KCNMA1: variants seen among roughly 807,000 people sequenced by gnomAD.
KCNMA1 encodes the protein potassium calcium-activated channel subfamily M alpha 1, also known as Calcium-activated potassium channel subunit alpha-1.
In KCNMA1, 29 loss-of-function variants were observed where a neutral mutation model predicts 140.0. The observed-to-expected ratio is 0.21, with a 90% CI of 0.15 to 0.28. KCNMA1 has a LOEUF of 0.28. Ranked by LOEUF, KCNMA1 falls within the 10% of genes least tolerant of loss-of-function variation. The pLI is 1.00. For missense variants in KCNMA1, 880 were observed against 1,602.2 expected (o/e 0.55, Z 7.70); for synonymous variants, 612 against 611.9 (o/e 1.00, Z 0.00).
chr10:77,636,535 G>A (rs1391058771), intron 1 of KCNMA1: 8 of 1,536,078 alleles, frequency 5.2e-6, no homozygotes, highest in South Asian at 4.8e-5. Flanking sequence ...AAGGAACAGA[G>A]GCCGAAGAAC....
intron 1 of KCNMA1, among the ~76,000 whole-genome samples, chr10:77,463,997 A>G (rs1434068126): frequency 6.6e-6 from 1 of 152,134 alleles, no homozygotes; most frequent in African/African-American, 2.4e-5. Flanking sequence ...CTCTCATCAG[A>G]AAAACAGAAT....
intron 19 of KCNMA1, among the ~76,000 whole-genome samples, chr10:76,972,671 G>C (rs7068994): frequency 0.3 from 45,992 of 152,020 alleles, 7,415 homozygotes; most frequent in East Asian, 0.48. Context: ...TGCATTTAAA[G>C]TGGGATTTGT....
At chr10:77,526,976 A>G (rs935581393) in intron 1 of KCNMA1, among the ~76,000 whole-genome samples, 1 of 152,200 alleles carries the variant, frequency 6.6e-6, no homozygotes, top group African/African-American at 2.4e-5. Context: ...TTACATTGCC[A>G]TTTCCTTTTC....
chr10:76,897,170 G>A (rs940199905), intron 25 of KCNMA1, among the ~76,000 whole-genome samples: 6 of 151,920 alleles, frequency 3.9e-5, no homozygotes, highest in African/African-American at 7.3e-5. Context: ...CAAAGGTCAA[G>A]TGATAAACAG....
chr10:77,295,787 CAAAAAA>C (rs36034012), intron 2 of KCNMA1, among the ~76,000 whole-genome samples: 3 of 43,244 alleles, frequency 6.9e-5, no homozygotes, highest in African/African-American at 1.7e-4. Flanking sequence ...GACTCCGTCT[CAAAAAA>C]AAAAAAAAAA....
chr10:77,461,212 C>T (rs927562323), intron 1 of KCNMA1, among the ~76,000 whole-genome samples: 4 of 145,244 alleles, frequency 2.8e-5, no homozygotes, highest in African/African-American at 7.7e-5. Flanking sequence ...GTAACAAAAC[C>T]GCACTTGTAC....
intron 25 of KCNMA1, among the ~76,000 whole-genome samples, chr10:76,907,477 T>A (rs1334435923): frequency 6.6e-6 from 1 of 152,218 alleles, no homozygotes; most frequent in African/African-American, 2.4e-5. Flanking sequence ...GCTGGTTTCA[T>A]GGGTGTTCAG....
intron 23 of KCNMA1, among the ~76,000 whole-genome samples, chr10:76,923,563 C>T (rs2056700134): frequency 6.6e-6 from 1 of 152,188 alleles, no homozygotes; most frequent in Non-Finnish European, 1.5e-5. Context: ...CCTAAAACTA[C>T]AGATTTGGAG....
At chr10:77,500,885 C>A (rs1032740809) in intron 1 of KCNMA1, among the ~76,000 whole-genome samples, 1 of 152,166 alleles carries the variant, frequency 6.6e-6, no homozygotes, top group Non-Finnish European at 1.5e-5. Flanking sequence ...GAAACTGAGA[C>A]GGGATGATGA....
intron 17 of KCNMA1, among the ~76,000 whole-genome samples, chr10:77,018,464 T>C (rs1453067354): frequency 6.6e-6 from 1 of 152,192 alleles, no homozygotes; most frequent in Non-Finnish European, 1.5e-5. Flanking sequence ...TCATGAAACA[T>C]GTAGGCCAGT....
At chr10:76,894,644 C>T (rs2041718225) in intron 25 of KCNMA1, among the ~76,000 whole-genome samples, 1 of 151,992 alleles carries the variant, frequency 6.6e-6, no homozygotes, top group African/African-American at 2.4e-5. Context: ...AAAGACAACC[C>T]AATTTTTTAA....
At chr10:77,399,947 G>A (rs1187611367) in intron 2 of KCNMA1, among the ~76,000 whole-genome samples, 3 of 152,274 alleles carry the variant, frequency 2.0e-5, no homozygotes, top group Non-Finnish European at 4.4e-5. Context: ...TCCCAGCTTC[G>A]AGATTCACAC....
intron 1 of KCNMA1, among the ~76,000 whole-genome samples, chr10:77,533,646 C>T: frequency 6.6e-6 from 1 of 152,126 alleles, no homozygotes; most frequent in East Asian, 1.9e-4. Context: ...AGTCACCAAA[C>T]TCTGACAGCA....
At chr10:77,012,667 C>T (rs2091101149) in intron 17 of KCNMA1, 2 of 843,052 alleles carry the variant, frequency 2.4e-6, no homozygotes, top group Non-Finnish European at 3.8e-6. Context: ...AATTCCCATG[C>T]TATCCAGCCC....
chr10:77,044,941 G>C (rs2094952923), intron 14 of KCNMA1, among the ~76,000 whole-genome samples: 1 of 152,098 alleles, frequency 6.6e-6, no homozygotes, highest in South Asian at 2.1e-4. Context: ...GTACCAAAGA[G>C]GGAAATATCA....
At chr10:77,295,815 A>AAAAAAAAAAAAAG in intron 2 of KCNMA1, among the ~76,000 whole-genome samples, 1 of 150,832 alleles carries the variant, frequency 6.6e-6, no homozygotes, top group Non-Finnish European at 1.5e-5. Flanking sequence ...AAAAAAAAAA[A>AAAAAAAAAAAAAG]AACAGTTTTC....
chr10:77,470,402 G>A (rs1196260979), intron 1 of KCNMA1, among the ~76,000 whole-genome samples: 1 of 152,124 alleles, frequency 6.6e-6, no homozygotes, highest in Non-Finnish European at 1.5e-5. Context: ...CTCAGACAGA[G>A]GGAGGGTAGG....
At chr10:77,175,727 T>G (rs534718157) in intron 5 of KCNMA1, among the ~76,000 whole-genome samples, 3 of 152,162 alleles carry the variant, frequency 2.0e-5, no homozygotes, top group African/African-American at 7.2e-5. Context: ...GATTACAACC[T>G]GCAGAGTCAG....
At chr10:76,949,722 G>A (rs747832855) in intron 21 of KCNMA1, among the ~76,000 whole-genome samples, 2 of 152,196 alleles carry the variant, frequency 1.3e-5, no homozygotes, top group Non-Finnish European at 2.9e-5. Context: ...TATTTGGAAA[G>A]AGAAGTCTTA....
Sources: allele counts gnomAD v4.1 joint callset (sites outside exome capture counted in the v4.1 genomes callset), GRCh38; gene constraint gnomAD v4.1.1; transcripts MANE v1.5; gene names NCBI Gene and HGNC (gene_info 2026-07-23, HGNC 2026-07-21).